GABRA5: variants seen among roughly 807,000 people sequenced by gnomAD.
GABRA5 encodes the protein gamma-aminobutyric acid receptor subunit alpha-5.
Under a neutral mutation model 47.3 loss-of-function variants are expected in GABRA5, and 18 were observed. The observed-to-expected ratio is 0.38, with a 90% confidence interval of 0.26 to 0.56. The LOEUF (loss-of-function observed/expected upper bound fraction) is 0.56, where lower values mean the gene tolerates loss of function less well. Ranked by LOEUF, GABRA5 falls within the 20% of genes least tolerant of loss-of-function variation. The probability of loss-of-function intolerance (pLI) is 0.71; values close to 1 mark genes in which losing one functional copy is unlikely to be tolerated. For synonymous variants in GABRA5, 237 were observed against 229.3 expected, an observed-to-expected ratio of 1.03 and a Z score of -0.30; for missense variants, 365 against 599.3, an observed-to-expected ratio of 0.61 and a Z score of 4.08.
In GABRA5 at chr15:26,872,792, G is replaced by A. The variant is rs149648518; in HGVS notation, c.86+3458G>A. Among the ~76,000 whole-genome samples, 70 of 152,322 alleles carry A rather than the reference G, an allele frequency of 4.6e-4. No homozygotes were observed. The East Asian group carries it at 0.012, about 26-fold the overall frequency. On this transcript the variant is annotated intron_variant, in intron 3 of 10. Transcript: ENST00000335625. ...GAAAAAGAGCAGGGCTATGTGCGTG[G>A]ACCAAGTCGAAATGCAGTGTTTGTG...
Position 26,937,265 on chromosome 15 carries a change from A to G in GABRA5, c.661A>G (p.Arg221Gly). 6.2e-7 allele frequency: 1 copy of G among 1,614,024 alleles called. No homozygotes were observed. The highest frequency in any genetic ancestry group is 8.5e-7 in the Non-Finnish European group (1 of 1,179,886). The part of the protein sequence containing the change: ...KSVVVAEDGS[R>G]LNQYHLMGQT... The stretch of plus-strand genomic sequence containing the variant: ...GGTGGTGGTGGCGGAAGATGGCTCC[A>G]GACTGAACCAGTACCACCTGATGGG... The change falls in exon 8 of 11, where the codon AGA becomes GGA. Residue 221 changes from arginine (R) to glycine (G), a missense_variant. Arg to Gly is a moderately radical substitution (Grantham distance 125, BLOSUM62 -2). Around this residue, in one of 3 missense-constraint regions of GABRA5, gnomAD observed 216 missense variants for 335.3 expected, o/e 0.64. Transcript: ENST00000335625.
intron 7 of GABRA5, among the ~76,000 whole-genome samples, chr15:26,921,837 T>C (rs991869755): frequency 2.0e-5 from 3 of 152,190 alleles, no homozygotes. Flanking sequence ...CCCTTAAGAC[T>C]TTCCCTTTGA....
At chr15:26,915,153 G>A (rs1236619097) in intron 7 of GABRA5, among the ~76,000 whole-genome samples, 1 of 152,186 alleles carries the variant, frequency 6.6e-6, no homozygotes, top group African/African-American at 2.4e-5. Flanking sequence ...CTCTGGGGGT[G>A]TTTCTCCTCA....
At chr15:26,941,579 T>C (rs1894385755) in intron 9 of GABRA5, among the ~76,000 whole-genome samples, 1 of 152,188 alleles carries the variant, frequency 6.6e-6, no homozygotes, top group Admixed American at 6.5e-5. Flanking sequence ...CTTGGTGCTG[T>C]GCTGGTCTCC....
At chr15:26,919,245 A>T (rs1455270104) in intron 7 of GABRA5, among the ~76,000 whole-genome samples, 1 of 152,216 alleles carries the variant, frequency 6.6e-6, no homozygotes, top group African/African-American at 2.4e-5. Context: ...TTACATTTAA[A>T]GTAAATACTG....
At chr15:26,893,703 G>A (rs1227701536) in intron 6 of GABRA5, among the ~76,000 whole-genome samples, 2 of 152,024 alleles carry the variant, frequency 1.3e-5, no homozygotes, top group Non-Finnish European at 2.9e-5. Flanking sequence ...GGAGGATCTG[G>A]GGGCACAGGA....
chr15:26,947,246 T>C (rs1185955141), intron 10 of GABRA5, among the ~76,000 whole-genome samples: 3 of 152,208 alleles, frequency 2.0e-5, no homozygotes, highest in Non-Finnish European at 4.4e-5. Context: ...CAGAGGTACA[T>C]GTGCAGGTTT....
chr15:26,921,993 A>G (rs1595424440), intron 7 of GABRA5, among the ~76,000 whole-genome samples: 1 of 152,092 alleles, frequency 6.6e-6, no homozygotes, highest in African/African-American at 2.4e-5. Flanking sequence ...ATTTGTGAGC[A>G]TTGTTTTATG....
intron 6 of GABRA5, among the ~76,000 whole-genome samples, chr15:26,896,813 G>A (rs964545873): frequency 1.3e-5 from 2 of 152,116 alleles, no homozygotes; most frequent in Non-Finnish European, 2.9e-5. Context: ...CACCAAGTTG[G>A]CCCAAGGTGA....
intron 8 of GABRA5, among the ~76,000 whole-genome samples, chr15:26,938,146 C>T (rs562520401): frequency 6.6e-6 from 1 of 152,252 alleles, no homozygotes; most frequent in East Asian, 1.9e-4. Flanking sequence ...GCCGAGCACA[C>T]AGGCCATTTA....
intron 7 of GABRA5, among the ~76,000 whole-genome samples, chr15:26,930,095 C>G (rs1289936004): frequency 6.6e-6 from 1 of 151,276 alleles, no homozygotes; most frequent in Non-Finnish European, 1.5e-5. Flanking sequence ...TCACTGCAAC[C>G]TCCACCTCCC....
chr15:26,868,349 T>C (rs1892376534), intron 1 of GABRA5, among the ~76,000 whole-genome samples: 2 of 151,442 alleles, frequency 1.3e-5, no homozygotes, highest in Admixed American at 6.6e-5. Flanking sequence ...AAGTACCTGT[T>C]GTGTCTCCCA....
At chr15:26,869,477 G>A (rs1161653508) in intron 3 of GABRA5, 143 bp downstream of exon 3, 1 of 635,776 alleles carries the variant, frequency 1.6e-6, no homozygotes, top group African/African-American at 1.8e-5. Flanking sequence ...GTAAATAAAT[G>A]AAGTCATTGC....
intron 7 of GABRA5, among the ~76,000 whole-genome samples, chr15:26,933,951 T>C (rs1894169317): frequency 6.6e-6 from 1 of 152,190 alleles, no homozygotes; most frequent in Admixed American, 6.5e-5. Context: ...ATTGGGGTGC[T>C]GTGACAAGGT....
At chr15:26,912,062 C>G (rs767755915) in intron 6 of GABRA5, among the ~76,000 whole-genome samples, 1 of 152,170 alleles carries the variant, frequency 6.6e-6, no homozygotes, top group Non-Finnish European at 1.5e-5. Flanking sequence ...CCCCTCCACC[C>G]CACCTCAGAC....
At chr15:26,927,901 T>A (rs1482505154) in intron 7 of GABRA5, among the ~76,000 whole-genome samples, 2 of 152,214 alleles carry the variant, frequency 1.3e-5, no homozygotes, top group Non-Finnish European at 2.9e-5. Flanking sequence ...GTTATTGGTA[T>A]CTCTACTCTT....
intron 2 of GABRA5, among the ~76,000 whole-genome samples, 161 bp downstream of exon 2, chr15:26,868,954 C>T (rs1002060738): frequency 6.6e-6 from 1 of 152,138 alleles, no homozygotes; most frequent in Non-Finnish European, 1.5e-5. Context: ...TGATTCTGCA[C>T]CCTGAGTAGA....
At chr15:26,899,052 A>G (rs1412899371) in intron 6 of GABRA5, among the ~76,000 whole-genome samples, 1 of 152,102 alleles carries the variant, frequency 6.6e-6, no homozygotes, top group African/African-American at 2.4e-5. Flanking sequence ...TTATAGAGAC[A>G]GGGTCTTGCT....
rs536350402 is a variant in GABRA5 at position 26,932,072 on chromosome 15, G to T, written c.581-5113G>T. ...ATATAGGCATGGGCAAAGATTTTAT[G>T]ACAAAAATGTCAAAAGCAGTTTCAA... On this transcript the variant is annotated intron_variant, in intron 7 of 10. Coordinates refer to ENST00000335625, the MANE Select transcript of GABRA5 (RefSeq NM_000810.4). 2.6e-5 allele frequency among the ~76,000 whole-genome samples: 4 copies of T among 152,294 alleles called. No individual in the cohort carries two copies. In the South Asian group the frequency reaches 8.3e-4, roughly 32 times the overall value.
Sources: gnomAD v4.1 joint callset for allele counts (sites outside exome capture counted in the v4.1 genomes callset) on GRCh38, gnomAD v4.1.1 for gene constraint, gnomAD v4.1.1 regional missense constraint, MANE v1.5 for transcripts, NCBI Gene and HGNC (gene_info 2026-07-23, HGNC 2026-07-21) for gene names.